The following RFX3 variants were observed in gnomAD, a reference collection of about 807,000 sequenced individuals.
RFX3 encodes the protein transcription factor RFX3.
Under a neutral mutation model 98.6 loss-of-function variants are expected in RFX3, and 14 were observed. That is an observed-to-expected ratio of 0.14 (90% CI 0.09 to 0.22). The LOEUF (loss-of-function observed/expected upper bound fraction) is 0.22, where lower values mean the gene tolerates loss of function less well. RFX3 is among the 10% of genes least tolerant of loss of function. The pLI, the probability that RFX3 is intolerant of heterozygous loss-of-function variation, is 1.00. For synonymous variants in RFX3, 383 were observed against 328.4 expected (o/e 1.17, Z -1.80); for missense variants, 639 against 926.9 (o/e 0.69, Z 4.03).
At chr9:3,442,572 G>T (rs895004349) in intron 1 of RFX3, among the ~76,000 whole-genome samples, 1 of 152,112 alleles carries the variant, frequency 6.6e-6, no homozygotes. Flanking sequence ...TCCAAATAAA[G>T]TCTGAAGTAT....
intron 2 of RFX3, among the ~76,000 whole-genome samples, chr9:3,369,532 C>T (rs1837571687): frequency 1.3e-5 from 2 of 152,132 alleles, no homozygotes; most frequent in Non-Finnish European, 2.9e-5. Context: ...TATTTCATGA[C>T]TTTCTTACTT....
chr9:3,416,926 G>A (rs2132282597), intron 1 of RFX3, among the ~76,000 whole-genome samples: 1 of 152,058 alleles, frequency 6.6e-6, no homozygotes, highest in Admixed American at 6.5e-5. Context: ...ACACACCAAT[G>A]AAGAGACAGA....
intron 1 of RFX3, among the ~76,000 whole-genome samples, chr9:3,424,341 T>C (rs1046888812): frequency 2.1e-5 from 3 of 141,534 alleles, no homozygotes; most frequent in Non-Finnish European, 4.6e-5. Flanking sequence ...TGTAATTACA[T>C]AATTGACTTT....
At chr9:3,269,921 A>C (rs909705736) in intron 11 of RFX3, among the ~76,000 whole-genome samples, 3 of 152,114 alleles carry the variant, frequency 2.0e-5, no homozygotes, top group Non-Finnish European at 4.4e-5. Flanking sequence ...ACAGATTTCC[A>C]TAATTTTTGG....
chr9:3,302,973 TA>T lies in RFX3; in HGVS notation c.475-1354del, dbSNP rs1485681301. Among the ~76,000 whole-genome samples the T allele has an allele frequency of 1.3e-5, 2 of 151,754 alleles. 1 individual carries two copies. The highest frequency in any genetic ancestry group is 4.8e-5 in the African/African-American group (2 of 41,402). ...AAGAGTATGTTAGGTTAAGAAATCA[TA>T]AAAAAATTCTTAAAATAGATATTAA... is the stretch of plus-strand genomic sequence containing the variant. On this transcript the variant is annotated intron_variant, in intron 4 of 16. Transcript: ENST00000617270.
intron 4 of RFX3, among the ~76,000 whole-genome samples, chr9:3,329,223 A>G (rs1832289399): frequency 6.6e-6 from 1 of 152,008 alleles, no homozygotes; most frequent in Non-Finnish European, 1.5e-5. Context: ...CCTGGCCAAC[A>G]TGGTGAAACT....
chr9:3,493,696 A>ATAT (rs1554724834), intron 1 of RFX3, among the ~76,000 whole-genome samples: 1 of 123,432 alleles, frequency 8.1e-6, no homozygotes, highest in African/African-American at 3.8e-5. Context: ...AAAAAAAAAA[A>ATAT]AAAAATATAT....
At chr9:3,331,436 T>A (rs1413822616) in intron 3 of RFX3, among the ~76,000 whole-genome samples, 2 of 152,182 alleles carry the variant, frequency 1.3e-5, no homozygotes, top group Admixed American at 1.3e-4. Context: ...CAAGAAGTTA[T>A]AATATATATA....
At chr9:3,467,180 A>ATGTATATACATATATAATGTATG (rs1311608328) in intron 1 of RFX3, among the ~76,000 whole-genome samples, 8 of 141,064 alleles carry the variant, frequency 5.7e-5, no homozygotes, top group African/African-American at 1.7e-4. Context: ...TAATGTATAT[A>ATGTATATACATATATAATGTATG]TGTATATACA....
chr9:3,508,098 T>C (rs1817289755), intron 1 of RFX3, among the ~76,000 whole-genome samples: 1 of 151,994 alleles, frequency 6.6e-6, no homozygotes, highest in African/African-American at 2.4e-5. Flanking sequence ...TCTGAGCTAT[T>C]TCTAAAAATT....
intron 4 of RFX3, among the ~76,000 whole-genome samples, chr9:3,314,916 A>G (rs569747538): frequency 2.6e-5 from 4 of 152,286 alleles, no homozygotes; most frequent in African/African-American, 7.2e-5. Context: ...CATCCACACA[A>G]TAATAATGGG....
chr9:3,305,144 C>G (rs7869031), intron 4 of RFX3, among the ~76,000 whole-genome samples: 5,930 of 151,994 alleles, frequency 0.039, 354 homozygotes, highest in African/African-American at 0.13. Context: ...AAAGCACAGG[C>G]TGTGTCCATA....
intron 1 of RFX3, among the ~76,000 whole-genome samples, chr9:3,398,928 A>AT (rs1212789313): frequency 1.3e-3 from 196 of 150,228 alleles, no homozygotes; most frequent in African/African-American, 4.6e-3. Flanking sequence ...AAAAAAAAAA[A>AT]AAAAAAAAAA....
chr9:3,477,017 T>C (rs1158792580), intron 1 of RFX3, among the ~76,000 whole-genome samples: 2 of 152,180 alleles, frequency 1.3e-5, no homozygotes, highest in South Asian at 2.1e-4. Flanking sequence ...GTAATACATA[T>C]ATGTCACTAG....
At chr9:3,292,964 A>G (rs989406325) in intron 6 of RFX3, 113 bp downstream of exon 6, 16 of 788,612 alleles carry the variant, frequency 2.0e-5, no homozygotes, top group South Asian at 6.1e-5. Context: ...AGCTCATTCT[A>G]TGTATTTCCT....
intron 1 of RFX3, among the ~76,000 whole-genome samples, chr9:3,463,294 A>G (rs1211177936): frequency 6.6e-6 from 1 of 152,138 alleles, no homozygotes; most frequent in Non-Finnish European, 1.5e-5. Context: ...CTTTTTCAAC[A>G]AATGGAACTG....
At chr9:3,318,183 T>C (rs913806730) in intron 4 of RFX3, among the ~76,000 whole-genome samples, 2 of 152,228 alleles carry the variant, frequency 1.3e-5, no homozygotes, top group Admixed American at 6.5e-5. Flanking sequence ...CATGGAATAC[T>C]ATGCAACCAT....
chr9:3,451,596 T>A (rs1254914800), intron 1 of RFX3, among the ~76,000 whole-genome samples: 2 of 152,064 alleles, frequency 1.3e-5, no homozygotes, highest in African/African-American at 4.8e-5. Flanking sequence ...ACAGACAAAT[T>A]TCTTGTGCAG....
chr9:3,290,886 G>A (rs1277485337), intron 6 of RFX3, among the ~76,000 whole-genome samples: 2 of 152,120 alleles, frequency 1.3e-5, no homozygotes, highest in Admixed American at 1.3e-4. Context: ...AACAACAGAA[G>A]CGGGCCACAG....
Sources: allele counts gnomAD v4.1 joint callset (sites outside exome capture counted in the v4.1 genomes callset), GRCh38; gene constraint gnomAD v4.1.1; transcripts MANE v1.5; gene names NCBI Gene and HGNC (gene_info 2026-07-23, HGNC 2026-07-21).